The following SLIT1 variants were observed in gnomAD, a reference collection of about 807,000 sequenced individuals.
SLIT1 encodes the protein slit guidance ligand 1.
SLIT1 carries 66 observed loss-of-function variants against 186.1 expected under a neutral mutation model. That is an observed-to-expected ratio of 0.35 (90% CI 0.29 to 0.44). The LOEUF (loss-of-function observed/expected upper bound fraction) is 0.44, where lower values mean the gene tolerates loss of function less well. SLIT1 is among the 20% of genes least tolerant of loss of function. SLIT1 has a pLI of 1.00. For missense variants in SLIT1, 1,638 were observed against 2,037.4 expected (o/e 0.80, Z 3.77); for synonymous variants, 761 against 833.8 (o/e 0.91, Z 1.50).
At chr10:97,073,539 C>A (rs1346335857) in intron 4 of SLIT1, among the ~76,000 whole-genome samples, 2 of 152,166 alleles carry the variant, frequency 1.3e-5, no homozygotes, top group African/African-American at 4.8e-5. Context: ...GACGAGGGCA[C>A]CATGACAGAT....
At chr10:97,132,806 C>T (rs1476142462) in intron 4 of SLIT1, among the ~76,000 whole-genome samples, 1 of 152,176 alleles carries the variant, frequency 6.6e-6, no homozygotes, top group African/African-American at 2.4e-5. Context: ...GCCGGTGGGG[C>T]CAGCACTCCT....
intron 20 of SLIT1, among the ~76,000 whole-genome samples, chr10:97,042,527 C>A (rs1409537365): frequency 6.6e-6 from 1 of 152,046 alleles, no homozygotes; most frequent in Admixed American, 6.6e-5. Flanking sequence ...GATAAGGTGA[C>A]CCCATGAGTC....
rs190835248 is a variant in SLIT1 at position 97,149,049 on chromosome 10, C to G, written c.413+8769G>C. ...TGACCCACTGACCGCTCGCCACCCC[C>G]CCGTGGCCCTCCTTCAGGCCCCGGG... On this transcript the variant is annotated intron_variant, in intron 4 of 36. Coordinates refer to ENST00000266058, the MANE Select transcript of SLIT1 (RefSeq NM_003061.3). Among the ~76,000 whole-genome samples the G allele has an allele frequency of 1.9e-3, 283 of 152,368 alleles. 2 individuals carry two copies. Among genetic ancestry groups the G allele is most frequent in the Non-Finnish European group, 2.5e-3 (173 of 68,036 alleles).
At chr10:97,183,460 T>A (rs1197901538) in intron 1 of SLIT1, among the ~76,000 whole-genome samples, 6 of 152,328 alleles carry the variant, frequency 3.9e-5, no homozygotes, top group Non-Finnish European at 5.9e-5. Flanking sequence ...CCAGAGACCT[T>A]ATGTAGCCTC....
intron 4 of SLIT1, among the ~76,000 whole-genome samples, chr10:97,109,305 T>A (rs1849443517): frequency 6.6e-6 from 1 of 151,836 alleles, no homozygotes; most frequent in African/African-American, 2.4e-5. Flanking sequence ...ATAAATACAA[T>A]GGATTTGTTT....
At chr10:97,090,273 G>A (rs549524371) in intron 4 of SLIT1, among the ~76,000 whole-genome samples, 1 of 152,164 alleles carries the variant, frequency 6.6e-6, no homozygotes, top group Non-Finnish European at 1.5e-5. Context: ...CCGCGTGGTT[G>A]GTGGGCTTCC....
At chr10:97,142,226 A>C (rs1458779001) in intron 4 of SLIT1, among the ~76,000 whole-genome samples, 1 of 152,210 alleles carries the variant, frequency 6.6e-6, no homozygotes, top group East Asian at 1.9e-4. Context: ...TCCCGATTTC[A>C]AAACTTACTA....
In SLIT1 at chr10:97,048,025, G is replaced by T. The variant is rs183625860; in HGVS notation, c.1466-29C>A. On this transcript the variant is annotated intron_variant, in intron 14 of 36. Coordinates refer to ENST00000266058, the MANE Select transcript of SLIT1 (RefSeq NM_003061.3). Reference sequence around the variant, plus strand: ...GGAAGAGAAGCAGAAATACCATAATGCAGGAATCAGCCAGGACCTGCAGTA... The same window carrying T: ...GGAAGAGAAGCAGAAATACCATAATTCAGGAATCAGCCAGGACCTGCAGTA... The T allele has an allele frequency of 2.5e-6, 4 of 1,613,700 alleles. No homozygotes were observed. The East Asian group carries it at 6.7e-5, about 27-fold the overall frequency.
chr10:97,059,987 T>C lies in SLIT1; in HGVS notation c.1013+100A>G, dbSNP rs1416347382. On this transcript the variant is annotated intron_variant, in intron 10 of 36. Coordinates refer to ENST00000266058, the MANE Select transcript of SLIT1 (RefSeq NM_003061.3). ...AGGTGGCTGGCCAAGGCCACTCAGC[T>C]GTGGGGGGCTGAGTTAGGGCCTGCC... is the stretch of plus-strand genomic sequence containing the variant. 7.8e-6 allele frequency: 8 copies of C among 1,019,992 alleles called. No individual in the cohort carries two copies. In the Admixed American group the frequency reaches 1.4e-4, roughly 17 times the overall value. 63.2% of individuals were successfully genotyped at this position (1,019,992 alleles called of 1,614,324 possible). A position where few individuals can be genotyped will look rare whatever the true frequency, so the allele number is the denominator to read the frequency against.
In SLIT1 at chr10:97,006,490, G is replaced by A. The variant is rs1306575784; in HGVS notation, c.3572C>T (p.Thr1191Met). 5 of 1,612,496 alleles carry A rather than the reference G, an allele frequency of 3.1e-6. No individual in the cohort carries two copies. The highest frequency in any genetic ancestry group is 3.4e-6 in the Non-Finnish European group (4 of 1,178,692). ...DLQNWPRANI[T>M]LQVSTAEDNG... ...AAGCCCCCTGGCACGCACCTGCAAC[G>A]TGATGTTGGCCCGTGGCCAGTTTTG... The change falls in exon 32 of 37, where the codon ACG (threonine) becomes ATG (methionine). Residue 1191 changes from threonine (T) to methionine (M), a missense_variant. Coordinates refer to ENST00000266058, the MANE Select transcript of SLIT1 (RefSeq NM_003061.3). The surrounding 1 kb of genome is among the most constrained non-coding windows in gnomAD (Gnocchi z 4.0).
chr10:97,024,937 A>C (rs751217969), intron 25 of SLIT1, among the ~76,000 whole-genome samples: 11 of 152,098 alleles, frequency 7.2e-5, no homozygotes, highest in African/African-American at 2.4e-4. Context: ...GTGACACCTG[A>C]GATGTAAGTG....
In SLIT1 at chr10:97,185,678, G is replaced by A. The variant is rs369609060; in HGVS notation, c.-4C>T. On this transcript the variant is annotated 5_prime_UTR_variant, in exon 1 of 37. Transcript: ENST00000266058. ...CCCACCCGGGAGTCAGCGCCATGGTGCCCTCACAGCGTCCCGCTCGCGAGC... is the reference window on the plus strand; with the variant it reads ...CCCACCCGGGAGTCAGCGCCATGGTACCCTCACAGCGTCCCGCTCGCGAGC... The A allele has an allele frequency of 9.2e-4, 1,384 of 1,509,706 alleles. 1 individual carries two copies. The highest frequency in any genetic ancestry group is 1.2e-3 in the Middle Eastern group (5 of 4,258). 93.5% of individuals were successfully genotyped at this position (1,509,706 alleles called of 1,614,324 possible).
At chr10:97,117,129 A>AT (rs1849516401) in intron 4 of SLIT1, among the ~76,000 whole-genome samples, 1 of 152,168 alleles carries the variant, frequency 6.6e-6, no homozygotes, top group Middle Eastern at 3.4e-3. Context: ...AAAAAAAGCA[A>AT]TTTTTTCTCT....
At chr10:97,045,888 A>G (rs1447219184) in intron 18 of SLIT1, among the ~76,000 whole-genome samples, 2 of 152,242 alleles carry the variant, frequency 1.3e-5, no homozygotes, top group African/African-American at 4.8e-5. Flanking sequence ...GTGGTGTCCA[A>G]TATAGTAGCC....
chr10:97,040,256 T>C, intron 20 of SLIT1, 136 bp from the exon 21 acceptor site: 1 of 890,724 alleles, frequency 1.1e-6, no homozygotes, highest in East Asian at 3.1e-5. Context: ...AGTAAGTCTG[T>C]GCACTACACC....
chr10:97,006,846 T>C lies in SLIT1; in HGVS notation c.3342-126A>G. 1 of 678,892 alleles carries C rather than the reference T, an allele frequency of 1.5e-6. No individual in the cohort carries two copies. Among genetic ancestry groups the C allele is most frequent in the Admixed American group, 2.5e-5 (1 of 39,442 alleles). The allele number at this position is 678,892 out of a possible 1,614,324, so 42.1% of individuals were successfully genotyped here. ...GGATTCTTAAAGCGACAGAAGATGC[T>C]CCTAATAAACACTTTTCATGAGAGA... On this transcript the variant is annotated intron_variant, in intron 31 of 36. Transcript: ENST00000266058. This position sits in a 1 kb window ranked among gnomAD's most constrained non-coding sequence, Gnocchi z 4.0.
chr10:97,071,396 A>T (rs985935905), intron 4 of SLIT1, among the ~76,000 whole-genome samples: 2 of 152,214 alleles, frequency 1.3e-5, no homozygotes, highest in Non-Finnish European at 1.5e-5. Flanking sequence ...CCTTTGGCCA[A>T]GCCTGGGAAG....
Position 97,006,561 on chromosome 10 carries a change from A to G in SLIT1, c.3501T>C (p.Ser1167=). ...AAGTGTCCCGATCCACAAAGTTGAC[A>G]CTGAGCAACTTCTCACACTCAGGGC... The part of the protein sequence containing the change: ...FGGPECEKLL[S]VNFVDRDTYL... The change falls in exon 32 of 37, where the codon AGT becomes AGC. Residue 1167 remains serine, a synonymous_variant. Transcript: ENST00000266058. The surrounding 1 kb of genome is among the most constrained non-coding windows in gnomAD (Gnocchi z 4.0). 1 of 1,614,214 alleles carries G rather than the reference A, an allele frequency of 6.2e-7. No individual in the cohort carries two copies. Among genetic ancestry groups the G allele is most frequent in the Non-Finnish European group, 8.5e-7 (1 of 1,180,040 alleles).
chr10:97,097,246 C>T (rs1849301453), intron 4 of SLIT1, among the ~76,000 whole-genome samples: 1 of 152,196 alleles, frequency 6.6e-6, no homozygotes, highest in South Asian at 2.1e-4. Context: ...GCATGGAGTG[C>T]CTTGATGCTT....
Sources: gnomAD v4.1 joint callset for allele counts (sites outside exome capture counted in the v4.1 genomes callset) on GRCh38, gnomAD v4.1.1 for gene constraint, Gnocchi (gnomAD v3.1) non-coding constraint, MANE v1.5 for transcripts, NCBI Gene and HGNC (gene_info 2026-07-23, HGNC 2026-07-21) for gene names.